UGT2B10: variants seen among roughly 807,000 people sequenced by gnomAD.
UGT2B10 encodes the protein UDP-glucuronosyltransferase 2B10.
UGT2B10 carries 51 observed loss-of-function variants against 43.7 expected under a neutral mutation model. The observed-to-expected ratio is 1.17, with a 90% confidence interval of 0.93 to 1.47. The LOEUF is 1.47. Ranked by LOEUF, UGT2B10 falls within the 40% of genes most tolerant of loss-of-function variation. The probability of loss-of-function intolerance (pLI) is 0.00; values close to 1 mark genes in which losing one functional copy is unlikely to be tolerated. For synonymous variants in UGT2B10, 225 were observed against 209.0 expected (o/e 1.08, Z -0.66); for missense variants, 696 against 617.7 (o/e 1.13, Z -1.34).
In UGT2B10 at chr4:68,816,056, C is replaced by T. The variant is rs1164092163; in HGVS notation, c.37C>T (p.Leu13Phe). The T allele has an allele frequency of 1.9e-6, 3 of 1,612,834 alleles. No individual in the cohort carries two copies. The highest frequency in any genetic ancestry group is 1.3e-5 in the African/African-American group (1 of 74,844). The change falls in exon 1 of 6, where the codon CTC (leucine) becomes TTC (phenylalanine). Residue 13 changes from leucine to phenylalanine, a missense_variant. Physicochemically the swap from Leu to Phe is conservative, Grantham distance 22. Transcript: ENST00000265403. ...ATGGACTACAGTTCTGCTGATACAA[C>T]TCAGTTTTTACTTTAGCTCTGGGAG... ...LKWTTVLLIQ[L>F]SFYFSSGSCG...
At chr4:68,818,953 C>G (rs953749065) in intron 2 of UGT2B10, among the ~76,000 whole-genome samples, 23 of 151,704 alleles carry the variant, frequency 1.5e-4, no homozygotes, top group Admixed American at 9.2e-4. Flanking sequence ...ATAAGAAAAG[C>G]CTCCAAGATA....
In UGT2B10 at chr4:68,826,100, A is replaced by C. The variant is rs184494748; in HGVS notation, c.1000-310A>C. Among the ~76,000 whole-genome samples the C allele has an allele frequency of 1.2e-3, 177 of 152,074 alleles. 1 individual carries two copies. In the East Asian group the frequency reaches 0.029, roughly 25 times the overall value. On this transcript the variant is annotated intron_variant, in intron 3 of 5. Coordinates refer to ENST00000265403, the MANE Select transcript of UGT2B10 (RefSeq NM_001075.6). Reference sequence around the variant, plus strand: ...TTTCTCTAATGATGTGTGATGTTAAACTTTTTTTCTTCGATGGTTAGCCGC... The same window carrying C: ...TTTCTCTAATGATGTGTGATGTTAACCTTTTTTTCTTCGATGGTTAGCCGC...
At chr4:68,816,801 G>A in intron 1 of UGT2B10, 64 bp downstream of exon 1, 9 of 1,348,572 alleles carry the variant, frequency 6.7e-6, no homozygotes, top group Non-Finnish European at 9.1e-6. Flanking sequence ...AGCACAACTT[G>A]CATAAAGCCA....
Position 68,822,367 on chromosome 4 carries a change from G to A in UGT2B10, c.964G>A (p.Val322Ile), listed in dbSNP as rs369643682. 6.8e-6 allele frequency: 11 copies of A among 1,613,592 alleles called. No homozygotes were observed. The highest frequency in any genetic ancestry group is 4.5e-5 in the East Asian group (2 of 44,836). ...TAACATGACAGAAGAAAGGGCCAACGTAATTGCAACAGCCCTTGCCAAGAT... is the reference window on the plus strand; with the variant it reads ...TAACATGACAGAAGAAAGGGCCAACATAATTGCAACAGCCCTTGCCAAGAT... ...VSNMTEERANVIATALAKIPQ... is the reference protein window; with the variant it reads ...VSNMTEERANIIATALAKIPQ... The change falls in exon 3 of 6, where the codon GTA becomes ATA. Residue 322 changes from valine (V) to isoleucine (I), a missense_variant. By Grantham distance (29) the Val-to-Ile change is conservative. Transcript: ENST00000265403.
chr4:68,829,145 C>T (rs1248811546), intron 5 of UGT2B10, among the ~76,000 whole-genome samples: 1 of 151,908 alleles, frequency 6.6e-6, no homozygotes, highest in African/African-American at 2.4e-5. Context: ...AAAATGAAGA[C>T]ATAGTTTGTG....
intron 5 of UGT2B10, 83 bp downstream of exon 5, chr4:68,827,631 A>T: frequency 6.4e-7 from 1 of 1,554,126 alleles, no homozygotes; most frequent in Non-Finnish European, 8.7e-7. Flanking sequence ...CATCCTTTTT[A>T]TAAGAGAGTG....
At chr4:68,821,643 T>A (rs113753482) in intron 2 of UGT2B10, among the ~76,000 whole-genome samples, 3,564 of 152,300 alleles carry the variant, frequency 0.023, 65 homozygotes, top group Non-Finnish European at 0.037. Context: ...TGTCAGTGAT[T>A]CTTAACCCCC....
In UGT2B10 at chr4:68,831,586, G is replaced by A. The variant is rs116040298; in HGVS notation, c.*707G>A. Reference sequence around the variant, plus strand: ...ATAAAGTGGAAATGAATGATTGACTGAACAGCCCACAAGAAGAATCACTTA... The same window carrying A: ...ATAAAGTGGAAATGAATGATTGACTAAACAGCCCACAAGAAGAATCACTTA... On this transcript the variant is annotated 3_prime_UTR_variant, in exon 6 of 6. Coordinates refer to ENST00000265403, the MANE Select transcript of UGT2B10 (RefSeq NM_001075.6). Among the ~76,000 whole-genome samples the A allele has an allele frequency of 2.0e-5, 3 of 152,168 alleles. No individual in the cohort carries two copies. The highest frequency in any genetic ancestry group is 4.4e-5 in the Non-Finnish European group (3 of 67,984).
In UGT2B10 at chr4:68,827,383, A is replaced by C. The variant is rs1181348525; in HGVS notation, c.1142A>C (p.Glu381Ala). The change falls in exon 5 of 6, where the codon GAG becomes GCG. Residue 381 changes from glutamate to alanine, a missense_variant. Transcript: ENST00000265403. ...CATGGTGGAGCCAATGGCATCTATGAGGCAATCTACCATGGGATCCCTATG... is the reference window on the plus strand; with the variant it reads ...CATGGTGGAGCCAATGGCATCTATGCGGCAATCTACCATGGGATCCCTATG... ...ITHGGANGIY[E>A]AIYHGIPMVG... The C allele has an allele frequency of 1.2e-6, 2 of 1,613,464 alleles. No individual in the cohort carries two copies. The highest frequency in any genetic ancestry group is 1.7e-6 in the Non-Finnish European group (2 of 1,179,538).
intron 5 of UGT2B10, 40 bp from the exon 6 acceptor site, chr4:68,830,560 A>G (rs1302597009): frequency 7.6e-6 from 12 of 1,568,684 alleles, no homozygotes; most frequent in Admixed American, 1.9e-5. Context: ...AGGCAAATTA[A>G]CTTACTTTCA....
chr4:68,818,824 G>GACA (rs1737354155), intron 2 of UGT2B10, among the ~76,000 whole-genome samples: 1 of 151,742 alleles, frequency 6.6e-6, no homozygotes, highest in Non-Finnish European at 1.5e-5. Flanking sequence ...TTAAGAATCA[G>GACA]ATGACCCTAA....
At chr4:68,823,845 G>A (rs946242923) in intron 3 of UGT2B10, among the ~76,000 whole-genome samples, 3 of 152,004 alleles carry the variant, frequency 2.0e-5, no homozygotes, top group African/African-American at 4.8e-5. Flanking sequence ...AATAAGTTTG[G>A]CATTAATAAT....
At chr4:68,821,924 AC>A (rs1185599419) in intron 2 of UGT2B10, among the ~76,000 whole-genome samples, 3 of 150,492 alleles carry the variant, frequency 2.0e-5, no homozygotes, top group African/African-American at 7.3e-5. Context: ...TTTTCCAAGG[AC>A]TTATAGTAGC....
In UGT2B10 at chr4:68,818,097, T is replaced by A. The variant is rs934888639; in HGVS notation, c.787T>A (p.Phe263Ile). Residue 263 changes from phenylalanine to isoleucine, a missense_variant, in exon 2 of 6, where the codon TTT becomes ATT. By Grantham distance (21) the Phe-to-Ile change is conservative. Coordinates refer to ENST00000265403, the MANE Select transcript of UGT2B10 (RefSeq NM_001075.6). ...ATGGCTTATGCGAAACTCCTGGAAT[T>A]TTAAATTTCCTCATCCATTCTTACC... ...DIWLMRNSWN[F>I]KFPHPFLPNV... The A allele has an allele frequency of 6.2e-7, 1 of 1,611,954 alleles. No homozygotes were observed. Among genetic ancestry groups the A allele is most frequent in the African/African-American group, 1.3e-5 (1 of 74,798 alleles).
rs746745701 is a variant in UGT2B10, at chr4:68,816,130, TA to T, written c.112del (p.Met38Ter). ...CCGCAGAATACAGCCTTTGGATGAATATGAAGACAATCCTGAAAGAACTTGT... is the reference window on the plus strand; with the variant it reads ...CCGCAGAATACAGCCTTTGGATGAATTGAAGACAATCCTGAAAGAACTTGT... The part of the protein sequence containing the change: ...WAAEYSLWMN[M>X]KTILKELVQR... On this transcript the variant is annotated frameshift_variant, in exon 1 of 6. Transcript: ENST00000265403. LOFTEE classifies it high-confidence loss of function. The T allele has an allele frequency of 6.2e-6, 10 of 1,613,262 alleles. No individual in the cohort carries two copies. The highest frequency in any genetic ancestry group is 4.2e-6 in the Non-Finnish European group (5 of 1,179,432).
chr4:68,823,786 C>A (rs1024258256), intron 3 of UGT2B10, among the ~76,000 whole-genome samples: 2 of 151,954 alleles, frequency 1.3e-5, no homozygotes, highest in Admixed American at 1.3e-4. Flanking sequence ...AGTTCAAAAT[C>A]AAAAATATAC....
intron 3 of UGT2B10, among the ~76,000 whole-genome samples, chr4:68,824,492 C>G (rs535415186): frequency 6.6e-6 from 1 of 152,032 alleles, no homozygotes; most frequent in Non-Finnish European, 1.5e-5. Context: ...TTCAGATGCC[C>G]CCTCCATAGA....
intron 2 of UGT2B10, 132 bp from the exon 3 acceptor site, chr4:68,822,139 A>G (rs1449002729): frequency 7.3e-7 from 1 of 1,377,296 alleles, no homozygotes; most frequent in East Asian, 2.3e-5. Context: ...AGTCAGTTAA[A>G]AAATATTATT....
At position 68,827,399 on chromosome 4, in the gene UGT2B10, G is replaced by A; in HGVS notation, c.1158G>A (p.Gly386=). 1 of 1,613,392 alleles carries A rather than the reference G, an allele frequency of 6.2e-7. No individual in the cohort carries two copies. Among genetic ancestry groups the A allele is most frequent in the East Asian group, 2.2e-5 (1 of 44,812 alleles). The part of the protein sequence containing the change: ...ANGIYEAIYH[G]IPMVGIPLFF... Reference sequence around the variant, plus strand: ...GCATCTATGAGGCAATCTACCATGGGATCCCTATGGTGGGCATTCCATTGT... The same window carrying A: ...GCATCTATGAGGCAATCTACCATGGAATCCCTATGGTGGGCATTCCATTGT... Residue 386 remains glycine (G), a synonymous_variant, in exon 5 of 6, where the codon GGG becomes GGA. Coordinates refer to ENST00000265403, the MANE Select transcript of UGT2B10 (RefSeq NM_001075.6).
Sources: gnomAD v4.1 joint callset for allele counts (sites outside exome capture counted in the v4.1 genomes callset) on GRCh38, gnomAD v4.1.1 for gene constraint, MANE v1.5 for transcripts, NCBI Gene and HGNC (gene_info 2026-07-23, HGNC 2026-07-21) for gene names.